FHIT: variants seen among roughly 807,000 people sequenced by gnomAD.
The protein encoded by FHIT is fragile histidine triad diadenosine triphosphatase.
FHIT carries 19 observed loss-of-function variants against 17.9 expected under a neutral mutation model. The observed-to-expected ratio is 1.06, with a 90% confidence interval of 0.74 to 1.56. FHIT has a LOEUF of 1.56. Among genes scored for constraint, FHIT ranks in the 40% most tolerant of loss-of-function variants. FHIT has a pLI of 0.00. For missense variants in FHIT, 248 were observed against 189.2 expected, an observed-to-expected ratio of 1.31 and a Z score of -1.82; for synonymous variants, 81 against 69.7, an observed-to-expected ratio of 1.16 and a Z score of -0.81.
chr3:60,660,729 C>CTTTTTTTTTTTTTTTTTTGTTTTT (rs2040224144), intron 4 of FHIT, among the ~76,000 whole-genome samples: 1 of 37,278 alleles, frequency 2.7e-5, no homozygotes. Context: ...TTATTGTGCT[C>CTTTTTTTTTTTTTTTTTTGTTTTT]TTTTTTTTTT....
intron 5 of FHIT, among the ~76,000 whole-genome samples, chr3:60,105,228 A>G (rs1704358101): frequency 6.6e-6 from 1 of 152,212 alleles, no homozygotes; most frequent in Non-Finnish European, 1.5e-5. Flanking sequence ...ACTGGTTCTG[A>G]GTATAGGCTG....
At chr3:60,244,701 C>T (rs1018804584) in intron 5 of FHIT, among the ~76,000 whole-genome samples, 5 of 152,034 alleles carry the variant, frequency 3.3e-5, no homozygotes, top group Non-Finnish European at 5.9e-5. Context: ...ATTTACCACA[C>T]GTGTTGCTTG....
intron 8 of FHIT, among the ~76,000 whole-genome samples, chr3:59,871,700 C>G (rs776009661): frequency 4.6e-5 from 7 of 152,188 alleles, no homozygotes; most frequent in Non-Finnish European, 8.8e-5. Context: ...TTAGCAATGT[C>G]TGCCGGGTAA....
intron 8 of FHIT, among the ~76,000 whole-genome samples, chr3:59,840,355 C>CA (rs1701487420): frequency 6.8e-6 from 1 of 146,746 alleles, no homozygotes; most frequent in South Asian, 2.1e-4. Context: ...ATTGCCAGCT[C>CA]ACAGGAAGGT....
intron 4 of FHIT, among the ~76,000 whole-genome samples, chr3:60,667,021 ATTTTTTTTT>A (rs56071877): frequency 2.1e-4 from 7 of 34,126 alleles, no homozygotes; most frequent in East Asian, 9.3e-4. Context: ...TGCCTGGTTA[ATTTTTTTTT>A]TTTTTTTTTT....
intron 3 of FHIT, among the ~76,000 whole-genome samples, chr3:60,964,030 G>A (rs1287805026): frequency 6.6e-6 from 1 of 152,160 alleles, no homozygotes; most frequent in East Asian, 1.9e-4. Flanking sequence ...TGCCAGTGGA[G>A]TGTTAAAGTC....
At chr3:60,666,861 TTTC>T (rs1313073332) in intron 4 of FHIT, among the ~76,000 whole-genome samples, 798 of 39,804 alleles carry the variant, frequency 0.02, 18 homozygotes, top group African/African-American at 0.054. Context: ...TTTCTTTTCT[TTTC>T]TTTTTTTTTT....
intron 3 of FHIT, among the ~76,000 whole-genome samples, chr3:60,951,631 AAAG>A (rs1345783917): frequency 1.3e-5 from 2 of 152,208 alleles, no homozygotes; most frequent in Non-Finnish European, 2.9e-5. Context: ...CATTTAGAAG[AAAG>A]AAGTGCAGCT....
intron 5 of FHIT, among the ~76,000 whole-genome samples, chr3:60,506,211 T>C (rs954892361): frequency 2.6e-5 from 4 of 152,322 alleles, no homozygotes; most frequent in Non-Finnish European, 5.9e-5. Context: ...CAAACACTGG[T>C]TACATAGCAC....
At chr3:60,078,959 G>A (rs973444038) in intron 5 of FHIT, among the ~76,000 whole-genome samples, 11 of 151,894 alleles carry the variant, frequency 7.2e-5, no homozygotes, top group African/African-American at 2.7e-4. Flanking sequence ...AAAGAAAAGA[G>A]AGGGAGCTTG....
intron 3 of FHIT, among the ~76,000 whole-genome samples, chr3:60,827,309 A>G (rs980318028): frequency 6.6e-6 from 1 of 152,218 alleles, no homozygotes; most frequent in Admixed American, 6.5e-5. Context: ...ATCCCAATAC[A>G]TGAAACTAGA....
In FHIT at chr3:60,756,939, G is replaced by C. The variant is rs559317141; in HGVS notation, c.-18+64980C>G. On this transcript the variant is annotated intron_variant, in intron 4 of 9. Transcript: ENST00000492590. ...AGCTCTGCTGTGAAACTATGGACTGGGGAAAGGGCATTGTTCATTTGTTAG... is the reference window on the plus strand; with the variant it reads ...AGCTCTGCTGTGAAACTATGGACTGCGGAAAGGGCATTGTTCATTTGTTAG... Among the ~76,000 whole-genome samples, 54 of 152,160 alleles carry C rather than the reference G, an allele frequency of 3.5e-4. No individual in the cohort carries two copies. The South Asian group carries it at 0.011, about 31-fold the overall frequency.
chr3:60,747,126 CAA>C (rs112642337), intron 4 of FHIT, among the ~76,000 whole-genome samples: 5 of 110,928 alleles, frequency 4.5e-5, no homozygotes, highest in East Asian at 2.6e-4. Context: ...TTGGAATTCA[CAA>C]AAAAAAAAAA....
At chr3:60,864,375 T>C (rs1704065992) in intron 3 of FHIT, among the ~76,000 whole-genome samples, 1 of 152,112 alleles carries the variant, frequency 6.6e-6, no homozygotes. Flanking sequence ...GGAGCTGGAA[T>C]TTTAACACAG....
At chr3:59,990,906 T>G (rs1709199013) in intron 7 of FHIT, among the ~76,000 whole-genome samples, 1 of 147,500 alleles carries the variant, frequency 6.8e-6, no homozygotes, top group South Asian at 2.2e-4. Context: ...AATAATTTTT[T>G]ATAATTCATA....
chr3:60,891,191 T>G (rs1705500773), intron 3 of FHIT, among the ~76,000 whole-genome samples: 1 of 152,172 alleles, frequency 6.6e-6, no homozygotes, highest in African/African-American at 2.4e-5. Flanking sequence ...TACTTTATAG[T>G]AGCTCTCTCT....
At chr3:61,181,854 A>G (rs577190027) in intron 2 of FHIT, among the ~76,000 whole-genome samples, 6 of 152,336 alleles carry the variant, frequency 3.9e-5, no homozygotes, top group Non-Finnish European at 7.3e-5. Context: ...TATTTTTCAT[A>G]CATGAAATAA....
At chr3:60,203,897 T>C (rs1409949732) in intron 5 of FHIT, among the ~76,000 whole-genome samples, 3 of 152,026 alleles carry the variant, frequency 2.0e-5, no homozygotes, top group Non-Finnish European at 1.5e-5. Context: ...ATCAGAACAA[T>C]TGAACTTGTG....
intron 5 of FHIT, among the ~76,000 whole-genome samples, chr3:60,477,263 A>G (rs923503376): frequency 2.0e-5 from 3 of 152,120 alleles, no homozygotes; most frequent in African/African-American, 7.2e-5. Context: ...TTTATACATA[A>G]CCTTGAATAT....
Sources: allele counts gnomAD v4.1 joint callset (sites outside exome capture counted in the v4.1 genomes callset), GRCh38; gene constraint gnomAD v4.1.1; transcripts MANE v1.5; gene names NCBI Gene and HGNC (gene_info 2026-07-23, HGNC 2026-07-21).